The following PRPSAP2 variants were observed in gnomAD, a reference collection of about 807,000 sequenced individuals.
PRPSAP2 encodes phosphoribosyl pyrophosphate synthase-associated protein 2.
PRPSAP2 carries 24 observed loss-of-function variants against 40.6 expected under a neutral mutation model. The observed-to-expected ratio is 0.59, with a 90% CI of 0.43 to 0.83. The LOEUF (loss-of-function observed/expected upper bound fraction) is 0.83. Among genes scored for constraint, PRPSAP2 ranks in the 40% least tolerant of loss-of-function variants. PRPSAP2 has a pLI of 0.00. For synonymous variants in PRPSAP2, 149 were observed against 164.7 expected, an observed-to-expected ratio of 0.90 and a Z score of 0.73; for missense variants, 292 against 465.6, an observed-to-expected ratio of 0.63 and a Z score of 3.43.
chr17:18,873,639 G>C (rs1037749409), intron 5 of PRPSAP2, among the ~76,000 whole-genome samples: 1 of 152,200 alleles, frequency 6.6e-6, no homozygotes, highest in African/African-American at 2.4e-5. Context: ...TAGGGGAGGA[G>C]ACCTTTCTTA....
intron 4 of PRPSAP2, among the ~76,000 whole-genome samples, chr17:18,869,173 A>T (rs1028422114): frequency 6.6e-6 from 1 of 152,048 alleles, no homozygotes; most frequent in Admixed American, 6.6e-5. Flanking sequence ...AGGGAGAGAA[A>T]ATACTTGGTG....
chr17:18,899,816 G>C (rs2040156209), intron 8 of PRPSAP2, among the ~76,000 whole-genome samples: 1 of 151,948 alleles, frequency 6.6e-6, no homozygotes, highest in African/African-American at 2.4e-5. Context: ...GATTACAGGT[G>C]TGAGCCACCA....
At chr17:18,891,818 G>A (rs977131519) in intron 8 of PRPSAP2, among the ~76,000 whole-genome samples, 2 of 152,136 alleles carry the variant, frequency 1.3e-5, no homozygotes, top group African/African-American at 4.8e-5. Flanking sequence ...AGTTTTCAAG[G>A]TTCATCTATG....
chr17:18,928,779 A>T (rs2042104664), intron 10 of PRPSAP2, 32 bp from the exon 11 acceptor site: 1 of 1,611,850 alleles, frequency 6.2e-7, no homozygotes, highest in South Asian at 1.1e-5. Flanking sequence ...AGAAGTGCTC[A>T]TATACATTCT....
At chr17:18,896,580 CTTT>C (rs58391876) in intron 8 of PRPSAP2, among the ~76,000 whole-genome samples, 1 of 104,752 alleles carries the variant, frequency 9.5e-6, no homozygotes, top group African/African-American at 3.7e-5. Flanking sequence ...CCAGATTTTC[CTTT>C]TTTTTTTTTT....
intron 8 of PRPSAP2, among the ~76,000 whole-genome samples, chr17:18,910,217 C>T (rs568964322): frequency 3.9e-5 from 6 of 152,148 alleles, no homozygotes; most frequent in East Asian, 1.9e-4. Context: ...GTCAGGAGTT[C>T]GAGACCAGTC....
intron 4 of PRPSAP2, among the ~76,000 whole-genome samples, chr17:18,871,714 G>A (rs1290116629): frequency 1.4e-5 from 2 of 147,682 alleles, no homozygotes; most frequent in Non-Finnish European, 3.0e-5. Flanking sequence ...AGGCTGGAGT[G>A]CAATGGCACA....
chr17:18,899,000 G>A (rs1011461458), intron 8 of PRPSAP2, among the ~76,000 whole-genome samples: 1 of 152,100 alleles, frequency 6.6e-6, no homozygotes, highest in African/African-American at 2.4e-5. Context: ...TGCCTCTTGG[G>A]TTCAAGCGAT....
chr17:18,927,934 A>G (rs896834590), intron 10 of PRPSAP2, among the ~76,000 whole-genome samples: 3 of 152,034 alleles, frequency 2.0e-5, no homozygotes, highest in Non-Finnish European at 2.9e-5. Context: ...GCGTACCTCC[A>G]TGCATGGCTA....
chr17:18,912,988 T>C (rs1171441680), intron 9 of PRPSAP2, among the ~76,000 whole-genome samples: 1 of 152,204 alleles, frequency 6.6e-6, no homozygotes, highest in Non-Finnish European at 1.5e-5. Flanking sequence ...CTTGCAAAGC[T>C]CTGGATGGCC....
chr17:18,914,747 T>C (rs558691110), intron 9 of PRPSAP2, among the ~76,000 whole-genome samples: 2 of 148,802 alleles, frequency 1.3e-5, no homozygotes, highest in East Asian at 4.0e-4. Context: ...TTTTTTGAGA[T>C]GGAGTCTCAC....
chr17:18,907,926 C>G (rs1236661741), intron 8 of PRPSAP2, among the ~76,000 whole-genome samples: 1 of 152,164 alleles, frequency 6.6e-6, no homozygotes, highest in East Asian at 1.9e-4. Flanking sequence ...TACCTAAGGT[C>G]AGGAGTTCAA....
At chr17:18,877,590 G>A in intron 5 of PRPSAP2, 108 bp from the exon 6 acceptor site, 1 of 1,065,946 alleles carries the variant, frequency 9.4e-7, no homozygotes, top group Non-Finnish European at 1.3e-6. Flanking sequence ...TTTCTGCCTT[G>A]CACCTTAGGT....
chr17:18,877,664 T>C (rs200010910), intron 5 of PRPSAP2, 34 bp from the exon 6 acceptor site: 32 of 1,573,000 alleles, frequency 2.0e-5, no homozygotes, highest in Non-Finnish European at 1.5e-5. Flanking sequence ...GTGTTGTAGA[T>C]CCCTTGATGA....
chr17:18,877,403 A>T (rs1404582368), intron 5 of PRPSAP2, among the ~76,000 whole-genome samples: 1 of 152,120 alleles, frequency 6.6e-6, no homozygotes, highest in Non-Finnish European at 1.5e-5. Flanking sequence ...GGCCACTGGC[A>T]TGGAAATTTC....
At chr17:18,883,465 C>T (rs1182319317) in intron 7 of PRPSAP2, among the ~76,000 whole-genome samples, 1 of 144,602 alleles carries the variant, frequency 6.9e-6, no homozygotes, top group Non-Finnish European at 1.5e-5. Flanking sequence ...TGTAATGGCG[C>T]AATCTCAGCC....
intron 7 of PRPSAP2, among the ~76,000 whole-genome samples, chr17:18,886,583 C>T (rs1169580949): frequency 1.3e-5 from 2 of 152,040 alleles, no homozygotes; most frequent in African/African-American, 4.8e-5. Context: ...TGGTCTCAAT[C>T]TCCTGACCTA....
chr17:18,906,161 G>A (rs1219315309), intron 8 of PRPSAP2, among the ~76,000 whole-genome samples: 1 of 152,154 alleles, frequency 6.6e-6, no homozygotes, highest in Non-Finnish European at 1.5e-5. Context: ...ATTCCTCATA[G>A]ATAGGACCAG....
chr17:18,899,105 T>C (rs1252676880), intron 8 of PRPSAP2, among the ~76,000 whole-genome samples: 1 of 152,156 alleles, frequency 6.6e-6, no homozygotes, highest in Non-Finnish European at 1.5e-5. Context: ...GGTTTCTCCA[T>C]GTTGGTCAGG....
Sources: allele counts gnomAD v4.1 joint callset (sites outside exome capture counted in the v4.1 genomes callset), GRCh38; gene constraint gnomAD v4.1.1; transcripts MANE v1.5; gene names NCBI Gene and HGNC (gene_info 2026-07-23, HGNC 2026-07-21).